Variants in SYT7 observed in about 807,000 individuals in gnomAD.
SYT7 encodes synaptotagmin-7.
Under a neutral mutation model 75.1 loss-of-function variants are expected in SYT7, and 29 were observed. The ratio of observed to expected loss-of-function variants is 0.39; its 90% CI spans 0.29 to 0.53. SYT7 has a LOEUF of 0.53. Ranked by LOEUF, SYT7 falls within the 20% of genes least tolerant of loss-of-function variation. The pLI is 0.77. For synonymous variants in SYT7, 376 were observed against 401.7 expected, an observed-to-expected ratio of 0.94 and a Z score of 0.76; for missense variants, 693 against 953.2, an observed-to-expected ratio of 0.73 and a Z score of 3.59.
intron 9 of SYT7, chr11:61,526,122 T>C (rs890275523): frequency 6.6e-6 from 1 of 152,212 alleles, no homozygotes; most frequent in Non-Finnish European, 1.5e-5. Context: ...TTCCAGCACC[T>C]TCCCCCAGAG....
rs1368517287 is a variant in SYT7 at position 61,528,197 on chromosome 11, G to A, written c.1201-12C>T. On this transcript the variant is annotated splice_polypyrimidine_tract_variant and intron_variant, in intron 8 of 12. Transcript: ENST00000539008. ...GAGCCTGGGGAGAGCTGGGGGTGGGGGAGAGGCCGGCAGGGTTTGGGGAGG... is the reference window on the plus strand; with the variant it reads ...GAGCCTGGGGAGAGCTGGGGGTGGGAGAGAGGCCGGCAGGGTTTGGGGAGG... 6.2e-7 allele frequency: 1 copy of A among 1,608,546 alleles called. No individual in the cohort carries two copies. The highest frequency in any genetic ancestry group is 1.3e-5 in the African/African-American group (1 of 74,876).
At chr11:61,541,840 G>C (rs554278502) in intron 6 of SYT7, among the ~76,000 whole-genome samples, 2 of 152,294 alleles carry the variant, frequency 1.3e-5, no homozygotes, top group East Asian at 1.9e-4. Context: ...TGGAGCAGAA[G>C]GGGGAGGAGA....
rs560321543 is a variant in SYT7, at chr11:61,533,424, T to A, written c.1065-300A>T. ...CAGAAACCCCCCACCCTCCAGTCAT[T>A]GGCTTGCATAGTCGGTCTCTGAGGT... On this transcript the variant is annotated intron_variant, in intron 7 of 12. Transcript: ENST00000539008. 3 of 985,358 alleles carry A rather than the reference T, an allele frequency of 3.0e-6. No homozygotes were observed. In the African/African-American group the frequency reaches 5.2e-5, roughly 17 times the overall value. The allele number at this position is 985,358 out of a possible 1,614,324, so 61.0% of individuals were successfully genotyped here.
At position 61,556,198 on chromosome 11, in the gene SYT7, G is replaced by A. The variant is rs567594237; in HGVS notation, c.41C>T (p.Ser14Leu). The change falls in exon 2 of 13, where the codon TCG becomes TTG. Residue 14 changes from serine to leucine, a missense_variant. Ser to Leu is a moderately radical substitution (Grantham distance 145). Coordinates refer to ENST00000539008, the MANE Select transcript of SYT7 (RefSeq NM_001365809.2). The stretch of plus-strand genomic sequence containing the variant: ...GGCAGAGACCAGCAGGACGTCGCGC[G>A]AGGGCGCCCCTGGGGAGGACAGGTA... ...DPEAASPGAP[S>L]RDVLLVSAII... is the part of the protein sequence containing the mutation. The A allele has an allele frequency of 9.8e-5, 158 of 1,613,260 alleles. No homozygotes were observed. In the South Asian group the frequency reaches 1.3e-3, roughly 14 times the overall value.
chr11:61,567,682 G>A, intron 1 of SYT7, among the ~76,000 whole-genome samples: 1 of 152,160 alleles, frequency 6.6e-6, no homozygotes, highest in Non-Finnish European at 1.5e-5. Flanking sequence ...ATTCCCTCCC[G>A]GGGGCCCGCC....
In SYT7 at chr11:61,545,861, G is replaced by C. The variant is rs372723952; in HGVS notation, c.572+170C>G. Among the ~76,000 whole-genome samples the C allele has an allele frequency of 9.4e-4, 143 of 152,322 alleles. 1 individual carries two copies. The highest frequency in any genetic ancestry group is 1.5e-3 in the Non-Finnish European group (104 of 68,010). On this transcript the variant is annotated intron_variant, in intron 5 of 12. Transcript: ENST00000539008. ...GCATCACTGTATGGCTGAGTTCGTC[G>C]TGCCAGATGGCAAGGATGATGGGAG... is the stretch of plus-strand genomic sequence containing the variant.
At position 61,580,824 on chromosome 11, in the gene SYT7, C is replaced by G; in HGVS notation, c.-4G>C. The G allele has an allele frequency of 1.6e-6, 2 of 1,266,852 alleles. No homozygotes were observed. Among genetic ancestry groups the G allele is most frequent in the Admixed American group, 3.5e-5 (1 of 28,528 alleles). The allele number at this position is 1,266,852 out of a possible 1,614,324, so 78.5% of individuals were successfully genotyped here. A position where few individuals can be genotyped will look rare whatever the true frequency, so the allele number is the denominator to read the frequency against. ...CCGCCTCCGGGTCCCGGTACATGGTCCCCTCGTCGCCGGTTCCCTCCGGGC... is the reference window on the plus strand; with the variant it reads ...CCGCCTCCGGGTCCCGGTACATGGTGCCCTCGTCGCCGGTTCCCTCCGGGC... On this transcript the variant is annotated 5_prime_UTR_variant, in exon 1 of 13. Transcript: ENST00000539008. This position sits in a 1 kb window ranked among gnomAD's most constrained non-coding sequence, Gnocchi z 6.1.
At chr11:61,528,412 G>A (rs2062598399) in intron 8 of SYT7, among the ~76,000 whole-genome samples, 2 of 152,144 alleles carry the variant, frequency 1.3e-5, no homozygotes, top group Non-Finnish European at 2.9e-5. Context: ...GAACCTCAGA[G>A]TGGTATGCAC....
chr11:61,556,227 GT>G lies in SYT7; in HGVS notation c.32-21del. The G allele has an allele frequency of 6.2e-7, 1 of 1,603,642 alleles. No homozygotes were observed. The highest frequency in any genetic ancestry group is 8.5e-7 in the Non-Finnish European group (1 of 1,174,204). ...GCGCCCCTGGGGAGGACAGGTACAGGTCACACCCTCATTGGCCAGGGCCTGC... is the reference window on the plus strand; with the variant it reads ...GCGCCCCTGGGGAGGACAGGTACAGGCACACCCTCATTGGCCAGGGCCTGC... On this transcript the variant is annotated intron_variant, in intron 1 of 12. Coordinates refer to ENST00000539008, the MANE Select transcript of SYT7 (RefSeq NM_001365809.2).
chr11:61,535,274 C>A (rs143572312), intron 7 of SYT7, among the ~76,000 whole-genome samples: 10 of 152,250 alleles, frequency 6.6e-5, no homozygotes, highest in African/African-American at 1.9e-4. Context: ...GAGGAGCGTG[C>A]GGCCAACAGG....
intron 3 of SYT7, 103 bp from the exon 4 acceptor site, chr11:61,547,411 A>G: frequency 7.3e-7 from 1 of 1,377,534 alleles, no homozygotes; most frequent in Non-Finnish European, 9.8e-7. Context: ...GGGGCCGGGC[A>G]CACAGTGGGC....
At chr11:61,531,052 C>G (rs2062689669) in intron 8 of SYT7, 1 of 985,314 alleles carries the variant, frequency 1.0e-6, no homozygotes, top group Non-Finnish European at 1.2e-6. Flanking sequence ...GCTCTGGGTG[C>G]TTAACTCTTG....
At chr11:61,563,107 C>T (rs1157331635) in intron 1 of SYT7, among the ~76,000 whole-genome samples, 2 of 152,194 alleles carry the variant, frequency 1.3e-5, no homozygotes, top group Admixed American at 1.3e-4. Flanking sequence ...CAAGCAGATG[C>T]CCAGCCAGCT....
Position 61,551,494 on chromosome 11 carries a change from G to A in SYT7, c.136-31C>T, listed in dbSNP as rs1405293641. ...GAGATAGCACTAGGATCACTCCTGG[G>A]GAACAGGACTGTACCCTCCCTACCT... On this transcript the variant is annotated intron_variant, in intron 2 of 12. Transcript: ENST00000539008. This position sits in a 1 kb window ranked among gnomAD's most constrained non-coding sequence, Gnocchi z 5.3. The A allele has an allele frequency of 1.9e-6, 3 of 1,606,646 alleles. No individual in the cohort carries two copies. The highest frequency in any genetic ancestry group is 2.6e-6 in the Non-Finnish European group (3 of 1,174,306).
chr11:61,582,021 A>G (rs1008410557), upstream of SYT7, among the ~76,000 whole-genome samples: 1 of 152,002 alleles, frequency 6.6e-6, no homozygotes, highest in African/African-American at 2.4e-5. Flanking sequence ...CCAGAAATGA[A>G]CCATTAGTGG....
intron 1 of SYT7, among the ~76,000 whole-genome samples, chr11:61,566,498 G>C (rs1176965709): frequency 6.6e-6 from 1 of 152,216 alleles, no homozygotes; most frequent in Non-Finnish European, 1.5e-5. Context: ...AGCCCAGACT[G>C]AAGAGTGGCT....
At chr11:61,582,774 C>G (rs1056757442), upstream of SYT7, among the ~76,000 whole-genome samples, 17 of 152,280 alleles carry the variant, frequency 1.1e-4, no homozygotes, top group East Asian at 3.1e-3. Flanking sequence ...TGTCTTCCCC[C>G]CACTCACCCA....
At chr11:61,545,887 A>G (rs1441632591) in intron 5 of SYT7, 144 bp downstream of exon 5, 1 of 680,404 alleles carries the variant, frequency 1.5e-6, no homozygotes, top group Non-Finnish European at 2.4e-6. Context: ...ATGATGGGAG[A>G]GTCTCATGAA....
chr11:61,585,950 G>A (rs755249036), upstream of SYT7, among the ~76,000 whole-genome samples: 1 of 152,166 alleles, frequency 6.6e-6, no homozygotes, highest in Non-Finnish European at 1.5e-5. Flanking sequence ...ACAAAGATGT[G>A]AGAATACCCT....
Sources: allele counts gnomAD v4.1 joint callset (sites outside exome capture counted in the v4.1 genomes callset), GRCh38; gene constraint gnomAD v4.1.1; non-coding constraint Gnocchi (gnomAD v3.1); transcripts MANE v1.5; gene names NCBI Gene and HGNC (gene_info 2026-07-23, HGNC 2026-07-21).